FSTL4: variants seen among roughly 807,000 people sequenced by gnomAD.
FSTL4 encodes follistatin-related protein 4.
In FSTL4, 28 loss-of-function variants were observed where a neutral mutation model predicts 78.2. The observed-to-expected ratio is 0.36, with a 90% CI of 0.27 to 0.49. The LOEUF (loss-of-function observed/expected upper bound fraction) is 0.49. FSTL4 is among the 20% of genes least tolerant of loss of function. The pLI is 0.98. For missense variants in FSTL4, 922 were observed against 1,084.9 expected (o/e 0.85, Z 2.11); for synonymous variants, 422 against 440.5 (o/e 0.96, Z 0.53).
chr5:133,668,759 T>A, the FSTL4 span, among the ~76,000 whole-genome samples: 1 of 152,148 alleles, frequency 6.6e-6, no homozygotes, highest in Non-Finnish European at 1.5e-5. Context: ...GGGTTAAGGC[T>A]GCCCATGGAG....
At chr5:133,547,238 G>GTCTC (rs34643477) in intron 3 of FSTL4, among the ~76,000 whole-genome samples, 6 of 151,074 alleles carry the variant, frequency 4.0e-5, no homozygotes, top group East Asian at 3.9e-4. Context: ...CTGTCTGTCT[G>GTCTC]TCTCTCTCTC....
intron 4 of FSTL4, among the ~76,000 whole-genome samples, chr5:133,377,431 G>A (rs1013071578): frequency 2.0e-5 from 3 of 149,996 alleles, no homozygotes; most frequent in South Asian, 2.1e-4. Flanking sequence ...GCCATGGGGC[G>A]AGACAGGCCA....
intron 7 of FSTL4, among the ~76,000 whole-genome samples, chr5:133,238,537 G>A (rs1561636500): frequency 6.6e-6 from 1 of 152,214 alleles, no homozygotes; most frequent in Non-Finnish European, 1.5e-5. Context: ...ATGTGGGTGA[G>A]CACACACAGG....
the FSTL4 span, among the ~76,000 whole-genome samples, chr5:133,748,172 G>A: frequency 7.4e-5 from 11 of 148,772 alleles, no homozygotes; most frequent in South Asian, 2.2e-4. Flanking sequence ...CCAGCCTGGC[G>A]ACAGAACGAG....
At chr5:133,691,975 T>C in the FSTL4 span, among the ~76,000 whole-genome samples, 1 of 152,160 alleles carries the variant, frequency 6.6e-6, no homozygotes, top group Non-Finnish European at 1.5e-5. Context: ...ATAAAACAGA[T>C]GTGTGCTTGG....
At chr5:133,498,725 A>T (rs986368631) in intron 3 of FSTL4, among the ~76,000 whole-genome samples, 2 of 152,074 alleles carry the variant, frequency 1.3e-5, no homozygotes, top group Admixed American at 1.3e-4. Flanking sequence ...CTCCAAAAAA[A>T]AAAAAAGGAT....
chr5:133,278,977 G>A (rs140089582), intron 6 of FSTL4, among the ~76,000 whole-genome samples: 128 of 152,344 alleles, frequency 8.4e-4, no homozygotes, highest in African/African-American at 2.3e-3. Flanking sequence ...TGTTTTGCCC[G>A]CCCTGCACTG....
At chr5:133,529,207 T>C (rs778090015) in intron 3 of FSTL4, among the ~76,000 whole-genome samples, 5 of 152,246 alleles carry the variant, frequency 3.3e-5, no homozygotes, top group South Asian at 4.1e-4. Context: ...CTATTTGTTA[T>C]TGGAACCTAG....
chr5:133,225,616 A>G lies in FSTL4; in HGVS notation c.1177+42T>C, dbSNP rs1376872086. On this transcript the variant is annotated intron_variant, in intron 9 of 15. Transcript: ENST00000265342. This position sits in a 1 kb window ranked among gnomAD's most constrained non-coding sequence, Gnocchi z 4.6. ...ATTCCTGGAGTCTCAGCTTGATTTGAATGGGAATATCGCATAGACGTCTAC... is the reference window on the plus strand; with the variant it reads ...ATTCCTGGAGTCTCAGCTTGATTTGGATGGGAATATCGCATAGACGTCTAC... 6 of 1,485,738 alleles carry G rather than the reference A, an allele frequency of 4.0e-6. No individual in the cohort carries two copies. Among genetic ancestry groups the G allele is most frequent in the Non-Finnish European group, 5.4e-6 (6 of 1,101,174 alleles). The allele number at this position is 1,485,738 out of a possible 1,614,324, so 92.0% of individuals were successfully genotyped here.
At chr5:133,229,522 T>TA (rs35050723) in intron 8 of FSTL4, among the ~76,000 whole-genome samples, 2,741 of 145,624 alleles carry the variant, frequency 0.019, 29 homozygotes, top group African/African-American at 0.029. Context: ...GACCTTGTCT[T>TA]AAAAAAAAAA....
the FSTL4 span, among the ~76,000 whole-genome samples, chr5:133,826,339 C>T: frequency 6.6e-6 from 1 of 152,228 alleles, no homozygotes; most frequent in Non-Finnish European, 1.5e-5. Context: ...ATGTTAGTTT[C>T]CTGTGGCTGC....
chr5:133,230,120 C>A (rs1015179486), intron 8 of FSTL4, among the ~76,000 whole-genome samples: 4 of 152,194 alleles, frequency 2.6e-5, no homozygotes, highest in African/African-American at 9.7e-5. Context: ...GGGTGGTACA[C>A]CGGCCCCTCA....
chr5:133,838,038 C>A, the FSTL4 span, among the ~76,000 whole-genome samples: 14 of 152,160 alleles, frequency 9.2e-5, no homozygotes. Flanking sequence ...CAGGCACCTG[C>A]CACCACACCC....
chr5:133,491,912 T>C (rs551161549), intron 3 of FSTL4, among the ~76,000 whole-genome samples: 22 of 152,192 alleles, frequency 1.4e-4, no homozygotes, highest in Middle Eastern at 6.8e-3. Flanking sequence ...TTTGAGTATT[T>C]ATTTAATATT....
At chr5:133,476,159 C>T (rs201479955) in intron 3 of FSTL4, among the ~76,000 whole-genome samples, 289 of 152,272 alleles carry the variant, frequency 1.9e-3, no homozygotes, top group African/African-American at 6.4e-3. Context: ...TCATCACTCC[C>T]GGATAAGAGG....
In FSTL4 at chr5:133,569,166, G is replaced by A. The variant is rs144860715; in HGVS notation, c.127-1947C>T. Among the ~76,000 whole-genome samples the A allele has an allele frequency of 2.7e-4, 41 of 152,210 alleles. 1 individual carries two copies. The highest frequency in any genetic ancestry group is 9.1e-4 in the African/African-American group (38 of 41,534). ...TACTGTTTGTAATAGTTTTTCCATT[G>A]ATTCTTTTGGGGTTTCCATTTGAGT... On this transcript the variant is annotated intron_variant, in intron 2 of 15. Coordinates refer to ENST00000265342, the MANE Select transcript of FSTL4 (RefSeq NM_015082.2).
intron 6 of FSTL4, among the ~76,000 whole-genome samples, chr5:133,256,992 C>T (rs1009234197): frequency 1.3e-5 from 2 of 152,202 alleles, no homozygotes; most frequent in African/African-American, 2.4e-5. Context: ...GAACAAACAC[C>T]TTTGTAAGCT....
intron 14 of FSTL4, among the ~76,000 whole-genome samples, chr5:133,203,942 T>TGACA (rs1462068140): frequency 6.7e-6 from 1 of 149,510 alleles, no homozygotes; most frequent in African/African-American, 2.5e-5. Flanking sequence ...TCTTGTGTCC[T>TGACA]GACACACAGC....
At chr5:133,739,110 G>A in the FSTL4 span, among the ~76,000 whole-genome samples, 2 of 151,974 alleles carry the variant, frequency 1.3e-5, no homozygotes, top group Non-Finnish European at 2.9e-5. Context: ...TGCCTACAAA[G>A]CACCTATGAT....
Sources: allele counts gnomAD v4.1 joint callset (sites outside exome capture counted in the v4.1 genomes callset), GRCh38; gene constraint gnomAD v4.1.1; non-coding constraint Gnocchi (gnomAD v3.1); transcripts MANE v1.5; gene names NCBI Gene and HGNC (gene_info 2026-07-23, HGNC 2026-07-21).